PTPRO: variants seen among roughly 807,000 people sequenced by gnomAD.
The protein encoded by PTPRO is protein tyrosine phosphatase receptor type O, also known as receptor-type tyrosine-protein phosphatase O.
PTPRO carries 62 observed loss-of-function variants against 145.2 expected under a neutral mutation model. That is an observed-to-expected ratio of 0.43 (90% CI 0.35 to 0.53). The LOEUF is 0.53. Among genes scored for constraint, PTPRO ranks in the 20% least tolerant of loss-of-function variants. PTPRO has a pLI of 0.01. For missense variants in PTPRO, 1,345 were observed against 1,482.7 expected (o/e 0.91, Z 1.53); for synonymous variants, 565 against 514.7 (o/e 1.10, Z -1.32).
rs1345971094 is a variant in PTPRO at position 15,580,891 on chromosome 12, T to C, written c.3132+60T>C. On this transcript the variant is annotated intron_variant, in intron 22 of 26. Coordinates refer to ENST00000281171, the MANE Select transcript of PTPRO (RefSeq NM_030667.3). ...CAAAACCTGCCCTAGCCACTGCCGT[T>C]GATGAAATGCTTGCTGTTTTCAAAG... 2.5e-6 allele frequency: 4 copies of C among 1,593,752 alleles called. No individual in the cohort carries two copies. In the African/African-American group the frequency reaches 4.0e-5, roughly 16 times the overall value.
chr12:15,493,151 T>C (rs1942033370), intron 2 of PTPRO, among the ~76,000 whole-genome samples: 2 of 152,116 alleles, frequency 1.3e-5, no homozygotes, highest in African/African-American at 4.8e-5. Context: ...ACAGAAGTCT[T>C]CCCTTCTGCA....
At position 15,520,209 on chromosome 12, in the gene PTPRO, T is replaced by C; in HGVS notation, c.1788T>C (p.Ala596=). 6.2e-7 allele frequency: 1 copy of C among 1,612,970 alleles called. No individual in the cohort carries two copies. ...TVSLTASVRI[A]NLLPAWYYNF... ...TTGCTTTTCTCATTCAGAGAATAGCTAATCTGCTGCCAGCATGGTACTACA... is the reference window on the plus strand; with the variant it reads ...TTGCTTTTCTCATTCAGAGAATAGCCAATCTGCTGCCAGCATGGTACTACA... The change falls in exon 10 of 27, where the codon GCT becomes GCC. Residue 596 remains alanine (A), a synonymous_variant. Transcript: ENST00000281171.
chr12:15,586,805 C>T, intron 23 of PTPRO, 92 bp from the exon 24 acceptor site: 1 of 1,461,306 alleles, frequency 6.8e-7, no homozygotes, highest in Middle Eastern at 1.8e-4. Context: ...GAACGTGGCT[C>T]TACCTTTTTG....
At chr12:15,448,760 C>T (rs559282877) in intron 1 of PTPRO, among the ~76,000 whole-genome samples, 5 of 152,144 alleles carry the variant, frequency 3.3e-5, no homozygotes, top group African/African-American at 4.8e-5. Context: ...ATAGCCAAGA[C>T]ATAAAAACAA....
intron 17 of PTPRO, among the ~76,000 whole-genome samples, chr12:15,561,909 T>C (rs1319159672): frequency 1.3e-5 from 2 of 152,162 alleles, no homozygotes; most frequent in African/African-American, 4.8e-5. Context: ...CATGTATTCC[T>C]TAATAGGCCT....
At chr12:15,440,029 C>T (rs1940716689) in intron 1 of PTPRO, 2 of 662,242 alleles carry the variant, frequency 3.0e-6, no homozygotes, top group Admixed American at 4.3e-5. Context: ...GCAGAGGCTA[C>T]AGGGGTAACA....
chr12:15,424,458 T>G (rs977766956), intron 1 of PTPRO, among the ~76,000 whole-genome samples: 6 of 152,218 alleles, frequency 3.9e-5, no homozygotes, highest in African/African-American at 1.4e-4. Flanking sequence ...CACTCTTTAT[T>G]TACAAAGATT....
intron 1 of PTPRO, among the ~76,000 whole-genome samples, chr12:15,375,991 A>C (rs1457217839): frequency 2.6e-5 from 4 of 152,202 alleles, no homozygotes; most frequent in Non-Finnish European, 5.9e-5. Context: ...AAATGAATAC[A>C]GTCTCAGGGA....
In PTPRO at chr12:15,420,078, C is replaced by T. The variant is rs142679691; in HGVS notation, c.76-63896C>T. The stretch of plus-strand genomic sequence containing the variant: ...AGGAGAACGGTGTGAAACCGGGAGG[C>T]GGAGCTTGCAGTGAGCGGAGATCGC... On this transcript the variant is annotated intron_variant, in intron 1 of 26. Coordinates refer to ENST00000281171, the MANE Select transcript of PTPRO (RefSeq NM_030667.3). Among the ~76,000 whole-genome samples, 1,872 of 134,808 alleles carry T rather than the reference C, an allele frequency of 0.014. 139 individuals are homozygous for T. The East Asian group carries it at 0.21, about 15-fold the overall frequency. 88.4% of individuals were successfully genotyped at this position (134,808 alleles called of 152,430 possible).
Position 15,586,934 on chromosome 12 carries a change from C to T in PTPRO, c.3293C>T (p.Thr1098Ile). 6.2e-7 allele frequency: 1 copy of T among 1,614,090 alleles called. No individual in the cohort carries two copies. ...EMQDVMHFNY[T>I]AWPDHGVPTA... ...CAGGATGTGATGCATTTTAACTACA[C>T]TGCATGGCCTGATCATGGTGTGCCC... Residue 1098 changes from threonine (T) to isoleucine (I), a missense_variant, in exon 24 of 27, where the codon ACT becomes ATT. Thr to Ile is a moderately conservative substitution (Grantham distance 89, BLOSUM62 -1). Coordinates refer to ENST00000281171, the MANE Select transcript of PTPRO (RefSeq NM_030667.3).
chr12:15,344,700 A>G (rs1867135258), intron 1 of PTPRO, among the ~76,000 whole-genome samples: 1 of 152,204 alleles, frequency 6.6e-6, no homozygotes, highest in South Asian at 2.1e-4. Flanking sequence ...TCTGAATTCA[A>G]TGTCGTCTCT....
chr12:15,409,763 A>G (rs535756645), intron 1 of PTPRO, among the ~76,000 whole-genome samples: 2 of 152,300 alleles, frequency 1.3e-5, no homozygotes, highest in African/African-American at 4.8e-5. Context: ...ACACTTTTAA[A>G]TGACCAGATC....
rs981733211 is a variant in PTPRO at position 15,408,573 on chromosome 12, G to GCC, written c.76-75399_76-75398dup. ...CTCCTGAGTAGCTGGGACTACAGGC[G>GCC]CCCACCACCACGCTTGGCTAATTTT... is the stretch of plus-strand genomic sequence containing the variant. On this transcript the variant is annotated intron_variant, in intron 1 of 26. Coordinates refer to ENST00000281171, the MANE Select transcript of PTPRO (RefSeq NM_030667.3). Among the ~76,000 whole-genome samples the GCC allele has an allele frequency of 5.3e-5, 8 of 152,076 alleles. 1 individual carries two copies. In the East Asian group the frequency reaches 1.4e-3, roughly 26 times the overall value.
chr12:15,583,764 G>C (rs1440513744), intron 23 of PTPRO, among the ~76,000 whole-genome samples: 1 of 152,130 alleles, frequency 6.6e-6, no homozygotes, highest in Non-Finnish European at 1.5e-5. Flanking sequence ...AACAAAGATT[G>C]CCCGTATCAA....
chr12:15,485,743 TA>T (rs1290909250), intron 2 of PTPRO, among the ~76,000 whole-genome samples: 1 of 152,170 alleles, frequency 6.6e-6, no homozygotes, highest in Admixed American at 6.5e-5. Context: ...TAAGCAATGC[TA>T]AAAAATTTCT....
chr12:15,358,270 T>C (rs1246865830), intron 1 of PTPRO, among the ~76,000 whole-genome samples: 1 of 144,924 alleles, frequency 6.9e-6, no homozygotes, highest in Non-Finnish European at 1.5e-5. Context: ...CATTAGGAGA[T>C]ATACCTAATG....
intron 1 of PTPRO, chr12:15,439,960 G>A: frequency 1.5e-6 from 1 of 686,102 alleles, no homozygotes; most frequent in Non-Finnish European, 2.7e-6. Context: ...GCTCCAAGGA[G>A]GTGGCCACTG....
At chr12:15,373,046 G>A (rs1358437007) in intron 1 of PTPRO, among the ~76,000 whole-genome samples, 1 of 152,192 alleles carries the variant, frequency 6.6e-6, no homozygotes, top group Non-Finnish European at 1.5e-5. Flanking sequence ...GCAGCAATTA[G>A]TGTTTCCAGA....
chr12:15,443,581 A>G (rs1224088888), intron 1 of PTPRO, among the ~76,000 whole-genome samples: 2 of 152,176 alleles, frequency 1.3e-5, no homozygotes, highest in Non-Finnish European at 2.9e-5. Flanking sequence ...CAGGGAGAAA[A>G]TGTTCACAAA....
Sources: gnomAD v4.1 joint callset for allele counts (sites outside exome capture counted in the v4.1 genomes callset) on GRCh38, gnomAD v4.1.1 for gene constraint, MANE v1.5 for transcripts, NCBI Gene and HGNC (gene_info 2026-07-23, HGNC 2026-07-21) for gene names.